Variants in MBNL2 observed in about 807,000 individuals in gnomAD.
The protein encoded by MBNL2 is muscleblind like splicing regulator 2.
A neutral mutation model predicts 41.9 loss-of-function variants in MBNL2; 17 were observed. The observed-to-expected ratio is 0.41, with a 90% CI of 0.28 to 0.61. MBNL2 has a LOEUF of 0.61. Among genes scored for constraint, MBNL2 ranks in the 20% least tolerant of loss-of-function variants. MBNL2 has a pLI of 0.35. For synonymous variants in MBNL2, 195 were observed against 182.9 expected (o/e 1.07, Z -0.53); for missense variants, 336 against 505.6 (o/e 0.66, Z 3.22).
chr13:97,391,957 GT>G lies in MBNL2; in HGVS notation c.*509del, dbSNP rs2066399750. The G allele has an allele frequency of 6.5e-6, 1 of 153,294 alleles. No homozygotes were observed. Among genetic ancestry groups the G allele is most frequent in the African/African-American group, 2.4e-5 (1 of 41,458 alleles). The allele number at this position is 153,294 out of a possible 1,614,324, so 9.5% of individuals were successfully genotyped here. ...GCACAAGTACTGGGGACACATCAAA[GT>G]GTGGTGTTTGGTTTGCCTGGAGATG... On this transcript the variant is annotated 3_prime_UTR_variant, in exon 9 of 9. Coordinates refer to ENST00000679496, the MANE Select transcript of MBNL2 (RefSeq NM_001382683.1).
chr13:97,168,577 A>G, the MBNL2 span, among the ~76,000 whole-genome samples: 1 of 152,186 alleles, frequency 6.6e-6, no homozygotes, highest in South Asian at 2.1e-4. Flanking sequence ...AAAACCAGCC[A>G]TGAGAGTCTG....
intron 1 of MBNL2, among the ~76,000 whole-genome samples, chr13:97,256,982 G>A (rs932746399): frequency 6.6e-6 from 1 of 152,118 alleles, no homozygotes; most frequent in African/African-American, 2.4e-5. Flanking sequence ...TTATTTCATC[G>A]TTAGTTAAAA....
chr13:97,389,036 C>T (rs2153171706), intron 8 of MBNL2, among the ~76,000 whole-genome samples: 1 of 152,348 alleles, frequency 6.6e-6, no homozygotes, highest in Admixed American at 6.5e-5. Flanking sequence ...GCAGCAGTCA[C>T]AGCTGAGAGT....
chr13:97,252,364 T>C (rs1455937556), intron 1 of MBNL2, among the ~76,000 whole-genome samples: 1 of 152,112 alleles, frequency 6.6e-6, no homozygotes, highest in Non-Finnish European at 1.5e-5. Flanking sequence ...TCCAGAGATA[T>C]GCCACAATCA....
intron 7 of MBNL2, among the ~76,000 whole-genome samples, chr13:97,364,915 T>G (rs1310026762): frequency 1.3e-5 from 2 of 152,230 alleles, no homozygotes; most frequent in Non-Finnish European, 2.9e-5. Context: ...ATAGAAAGTG[T>G]GAACAGTGGT....
At chr13:97,169,380 C>T in the MBNL2 span, among the ~76,000 whole-genome samples, 2 of 152,130 alleles carry the variant, frequency 1.3e-5, no homozygotes, top group African/African-American at 2.4e-5. Context: ...TGCTGGACAC[C>T]AGACATAGAG....
In MBNL2 at chr13:97,308,729, T is replaced by A. The variant is rs552039377; in HGVS notation, c.175-25547T>A. Among the ~76,000 whole-genome samples the A allele has an allele frequency of 5.7e-4, 86 of 152,168 alleles. 1 individual carries two copies. Among genetic ancestry groups the A allele is most frequent in the Non-Finnish European group, 9.8e-4 (67 of 68,026 alleles). On this transcript the variant is annotated intron_variant, in intron 2 of 8. Transcript: ENST00000679496. ...ACAGAATATTTCTTTTTCCTCTGAT[T>A]TGTTCACAAAAGATACAAGCCTTCA... is the stretch of plus-strand genomic sequence containing the variant.
chr13:97,253,631 G>A (rs2046986598), intron 1 of MBNL2, among the ~76,000 whole-genome samples: 1 of 152,132 alleles, frequency 6.6e-6, no homozygotes, highest in East Asian at 1.9e-4. Context: ...AAGAATGCAG[G>A]AAAATTAAAC....
chr13:97,181,570 C>A, the MBNL2 span, among the ~76,000 whole-genome samples: 4 of 152,164 alleles, frequency 2.6e-5, no homozygotes, highest in South Asian at 2.1e-4. Context: ...CTAAAAAATT[C>A]TCCCTTTTGA....
the MBNL2 span, among the ~76,000 whole-genome samples, chr13:97,205,238 A>ATG: frequency 0.12 from 16,996 of 147,306 alleles, 1,637 homozygotes; most frequent in African/African-American, 0.27. Flanking sequence ...ATATATATAT[A>ATG]AATTAGTACC....
the MBNL2 span, among the ~76,000 whole-genome samples, chr13:97,180,104 T>C: frequency 6.6e-6 from 1 of 152,090 alleles, no homozygotes; most frequent in Non-Finnish European, 1.5e-5. Context: ...ATTAAGGTGG[T>C]GAAGATGGAG....
intron 2 of MBNL2, among the ~76,000 whole-genome samples, chr13:97,285,746 T>C (rs912555331): frequency 1.3e-5 from 2 of 151,070 alleles, no homozygotes; most frequent in Non-Finnish European, 2.9e-5. Context: ...ATAGAGATCA[T>C]TGAGGGCACA....
chr13:97,268,906 G>A lies in MBNL2; in HGVS notation c.-604-6726G>A, dbSNP rs757008022. Among the ~76,000 whole-genome samples, 4 of 152,222 alleles carry A rather than the reference G, an allele frequency of 2.6e-5. No homozygotes were observed. The highest frequency in any genetic ancestry group is 5.9e-5 in the Non-Finnish European group (4 of 68,040). Reference sequence around the variant, plus strand: ...ATAATGACCAGGCAGTATTAAAGATGGGCTGTAGGAGAGGGTGTCAAAAGG... The same window carrying A: ...ATAATGACCAGGCAGTATTAAAGATAGGCTGTAGGAGAGGGTGTCAAAAGG... On this transcript the variant is annotated intron_variant, in intron 1 of 8. Transcript: ENST00000679496. This position sits in a 1 kb window ranked among gnomAD's most constrained non-coding sequence, Gnocchi z 4.6.
intron 1 of MBNL2, among the ~76,000 whole-genome samples, chr13:97,253,692 A>C (rs1429873950): frequency 6.6e-6 from 1 of 152,098 alleles, no homozygotes; most frequent in Non-Finnish European, 1.5e-5. Context: ...TCTTTAGTTA[A>C]TTCTCTTTGT....
intron 1 of MBNL2, among the ~76,000 whole-genome samples, chr13:97,257,525 T>C (rs1377594234): frequency 6.6e-6 from 1 of 152,168 alleles, no homozygotes. Flanking sequence ...CAAAACTACT[T>C]CCATGTAAAT....
At chr13:97,148,587 C>A in the MBNL2 span, among the ~76,000 whole-genome samples, 3 of 152,066 alleles carry the variant, frequency 2.0e-5, no homozygotes, top group East Asian at 5.8e-4. Context: ...AATTTCTGTA[C>A]CTTCTGCTCA....
chr13:97,313,303 T>C (rs2058762810), intron 2 of MBNL2, among the ~76,000 whole-genome samples: 2 of 152,182 alleles, frequency 1.3e-5, no homozygotes, highest in South Asian at 4.1e-4. Context: ...CTGAAGCAAT[T>C]TTCAATGGTT....
intron 2 of MBNL2, among the ~76,000 whole-genome samples, chr13:97,280,768 C>T (rs1355319516): frequency 1.3e-5 from 2 of 152,250 alleles, no homozygotes; most frequent in African/African-American, 4.8e-5. Flanking sequence ...AGGGCATCTG[C>T]ACTTGCTCTT....
the MBNL2 span, among the ~76,000 whole-genome samples, chr13:97,142,019 G>C: frequency 6.6e-6 from 1 of 151,960 alleles, no homozygotes; most frequent in African/African-American, 2.4e-5. Flanking sequence ...CTGAACCAGA[G>C]AGAAGGTTAA....
Sources: allele counts gnomAD v4.1 joint callset (sites outside exome capture counted in the v4.1 genomes callset), GRCh38; gene constraint gnomAD v4.1.1; non-coding constraint Gnocchi (gnomAD v3.1); transcripts MANE v1.5; gene names NCBI Gene and HGNC (gene_info 2026-07-23, HGNC 2026-07-21).